Variants in RGL1 observed in about 807,000 individuals in gnomAD.
RGL1 encodes the protein ral guanine nucleotide dissociation stimulator like 1.
In RGL1, 24 loss-of-function variants were observed where a neutral mutation model predicts 95.2. That is an observed-to-expected ratio of 0.25 (90% CI 0.18 to 0.35). RGL1 has a LOEUF of 0.35. RGL1 is among the 10% of genes least tolerant of loss of function. The probability of loss-of-function intolerance (pLI) is 1.00; values close to 1 mark genes in which losing one functional copy is unlikely to be tolerated. For synonymous variants in RGL1, 329 were observed against 344.9 expected (o/e 0.95, Z 0.51); for missense variants, 715 against 936.3 (o/e 0.76, Z 3.08).
chr1:183,865,911 T>C (rs1247292948), intron 3 of RGL1, 85 bp from the exon 4 acceptor site: 3 of 878,492 alleles, frequency 3.4e-6, no homozygotes, highest in Non-Finnish European at 1.9e-6. Context: ...AAAGTATAAC[T>C]GTCACTTTGT....
chr1:183,894,162 G>A (rs981910745), intron 9 of RGL1, among the ~76,000 whole-genome samples: 1 of 152,198 alleles, frequency 6.6e-6, no homozygotes, highest in Non-Finnish European at 1.5e-5. Flanking sequence ...CCTGTCAGCA[G>A]TACGAAGCTA....
At chr1:183,688,192 G>T (rs1653730910) in intron 1 of RGL1, among the ~76,000 whole-genome samples, 1 of 152,022 alleles carries the variant, frequency 6.6e-6, no homozygotes, top group Admixed American at 6.6e-5. Flanking sequence ...AGGATCCAGG[G>T]CTTCATTCTC....
chr1:183,787,301 T>G (rs1660224893), intron 2 of RGL1, among the ~76,000 whole-genome samples: 1 of 152,226 alleles, frequency 6.6e-6, no homozygotes. Context: ...CTTAAAACTC[T>G]ACTCACATTT....
intron 4 of RGL1, among the ~76,000 whole-genome samples, chr1:183,874,550 C>T (rs1210241338): frequency 4.0e-5 from 6 of 151,612 alleles, no homozygotes; most frequent in African/African-American, 9.7e-5. Context: ...ATAGTCCCTG[C>T]GTTGCCCTTG....
chr1:183,794,160 C>G lies in RGL1; in HGVS notation c.133-12215C>G, dbSNP rs142703519. On this transcript the variant is annotated intron_variant, in intron 2 of 18. Transcript: ENST00000304685. The stretch of plus-strand genomic sequence containing the variant: ...CAGCAATGTGGATGGAACTAGAGGT[C>G]AGTATGTTAAGTGAAATGAGCCAGG... Among the ~76,000 whole-genome samples, 9 of 151,728 alleles carry G rather than the reference C, an allele frequency of 5.9e-5. No individual in the cohort carries two copies. The East Asian group carries it at 1.4e-3, about 23-fold the overall frequency.
chr1:183,773,251 T>C (rs981272812), intron 2 of RGL1, among the ~76,000 whole-genome samples: 2 of 152,170 alleles, frequency 1.3e-5, no homozygotes, highest in African/African-American at 4.8e-5. Flanking sequence ...CTTTCTGCAT[T>C]TCCTTTATGT....
At chr1:183,906,279 G>T (rs1021539410) in intron 13 of RGL1, among the ~76,000 whole-genome samples, 3 of 152,134 alleles carry the variant, frequency 2.0e-5, no homozygotes, top group African/African-American at 4.8e-5. Flanking sequence ...ACTGTCTACA[G>T]CTACAAGCTT....
chr1:183,735,627 T>C (rs1558179635), intron 1 of RGL1, among the ~76,000 whole-genome samples: 1 of 152,148 alleles, frequency 6.6e-6, no homozygotes, highest in Non-Finnish European at 1.5e-5. Flanking sequence ...GAAGAGATAA[T>C]AGGAATCTGT....
intron 2 of RGL1, among the ~76,000 whole-genome samples, chr1:183,838,961 T>G (rs1478631522): frequency 6.6e-6 from 1 of 152,234 alleles, no homozygotes; most frequent in African/African-American, 2.4e-5. Context: ...TACCGCTGTC[T>G]AAGCCTTGAT....
Position 183,922,313 on chromosome 1 carries a change from T to C in RGL1, c.2096T>C (p.Val699Ala), listed in dbSNP as rs1242396085. The change falls in exon 17 of 18, where the codon GTG becomes GCG. Residue 699 changes from valine to alanine, a missense_variant. Transcript: ENST00000360851. ...GACCCCGCCGAGGAGTACGAGCTGG[T>C]GCAGGTCATCTCGGAGGACAAAGGT... ...DSDPAEEYEL[V>A]QVISEDKELV... 3.1e-6 allele frequency: 5 copies of C among 1,613,858 alleles called. No individual in the cohort carries two copies. The highest frequency in any genetic ancestry group is 4.2e-6 in the Non-Finnish European group (5 of 1,179,936).
chr1:183,638,575 A>T (rs1414176730), intron 1 of RGL1, among the ~76,000 whole-genome samples: 1 of 152,186 alleles, frequency 6.6e-6, no homozygotes, highest in African/African-American at 2.4e-5. Context: ...GTCTTTAATT[A>T]TCTTTTAATT....
intron 1 of RGL1, among the ~76,000 whole-genome samples, chr1:183,719,402 TAGAGTGTAGGG>T (rs1214101896): frequency 6.6e-6 from 1 of 152,174 alleles, no homozygotes. Context: ...CGTGTACCTC[TAGAGTGTAGGG>T]AGATGCAATC....
intron 4 of RGL1, among the ~76,000 whole-genome samples, chr1:183,876,705 T>C (rs1666518008): frequency 6.6e-6 from 1 of 152,254 alleles, no homozygotes; most frequent in Non-Finnish European, 1.5e-5. Context: ...AAGGTATATG[T>C]ATGTGGGCAC....
At chr1:183,847,505 G>A (rs1369426261) in intron 2 of RGL1, 61 bp from the exon 3 acceptor site, 2 of 1,373,460 alleles carry the variant, frequency 1.5e-6, no homozygotes, top group Non-Finnish European at 2.1e-6. Context: ...CTATTTCAAT[G>A]CTTCCAATTT....
intron 1 of RGL1, among the ~76,000 whole-genome samples, chr1:183,688,127 A>G (rs1653726117): frequency 6.6e-6 from 1 of 152,168 alleles, no homozygotes. Context: ...ATTATAAAGC[A>G]CAATACAAGT....
chr1:183,869,777 C>A (rs1171256227), intron 4 of RGL1, among the ~76,000 whole-genome samples: 1 of 152,196 alleles, frequency 6.6e-6, no homozygotes, highest in Non-Finnish European at 1.5e-5. Flanking sequence ...AGGGAAGCAT[C>A]TTCTCCCATC....
At chr1:183,783,293 A>C (rs540579770) in intron 2 of RGL1, among the ~76,000 whole-genome samples, 1 of 152,250 alleles carries the variant, frequency 6.6e-6, no homozygotes, top group East Asian at 1.9e-4. Flanking sequence ...AGGCAAAGGG[A>C]AGAAAATAAG....
intron 2 of RGL1, among the ~76,000 whole-genome samples, chr1:183,822,531 T>G (rs764066366): frequency 2.6e-5 from 4 of 152,172 alleles, no homozygotes; most frequent in African/African-American, 4.8e-5. Flanking sequence ...TGCTTGAGTA[T>G]TTCCAGTCCT....
chr1:183,742,019 C>T (rs1657338890), intron 1 of RGL1: 1 of 792,570 alleles, frequency 1.3e-6, no homozygotes, highest in Non-Finnish European at 2.0e-6. Context: ...ATGATACTGT[C>T]TTTAATGGTC....
Sources: gnomAD v4.1 joint callset for allele counts (sites outside exome capture counted in the v4.1 genomes callset) on GRCh38, gnomAD v4.1.1 for gene constraint, MANE v1.5 for transcripts, NCBI Gene and HGNC (gene_info 2026-07-23, HGNC 2026-07-21) for gene names.